Variants in NIM1K observed in about 807,000 individuals in gnomAD.
The protein encoded by NIM1K is NIM1 serine/threonine protein kinase.
A neutral mutation model predicts 37.1 loss-of-function variants in NIM1K; 35 were observed. The observed-to-expected ratio is 0.94, with a 90% CI of 0.72 to 1.25. The LOEUF is 1.25. NIM1K is among the 50% of genes most tolerant of loss of function. The pLI, the probability that NIM1K is intolerant of heterozygous loss-of-function variation, is 0.00. For missense variants in NIM1K, 564 were observed against 548.0 expected, an observed-to-expected ratio of 1.03 and a Z score of -0.29; for synonymous variants, 234 against 206.6, an observed-to-expected ratio of 1.13 and a Z score of -1.14.
At chr5:43,264,471 T>G (rs1753089286) in intron 2 of NIM1K, among the ~76,000 whole-genome samples, 1 of 152,240 alleles carries the variant, frequency 6.6e-6, no homozygotes, top group African/African-American at 2.4e-5. Flanking sequence ...TTCCATTTGC[T>G]TGGTAGATCT....
rs539318766 is a variant in NIM1K, at chr5:43,192,299, C to G, written c.-807C>G. On this transcript the variant is annotated 5_prime_UTR_variant, in exon 1 of 4. Transcript: ENST00000326035. ...CCGGGAGCCTCAAGCGCGACAGCGG[C>G]GCCCTCACCTCGGGACATCCACACA... 1.3e-5 allele frequency: 2 copies of G among 152,544 alleles called. No individual in the cohort carries two copies. The highest frequency in any genetic ancestry group is 4.8e-5 in the African/African-American group (2 of 41,458). The allele number at this position is 152,544 out of a possible 1,614,324, so 9.4% of individuals were successfully genotyped here. A position where few individuals can be genotyped will look rare whatever the true frequency, so the allele number is the denominator to read the frequency against.
chr5:43,247,435 A>G (rs1752792575), intron 2 of NIM1K, among the ~76,000 whole-genome samples: 1 of 152,240 alleles, frequency 6.6e-6, no homozygotes, highest in Non-Finnish European at 1.5e-5. Flanking sequence ...GCAACCAAAG[A>G]TCAACTAAAG....
chr5:43,215,643 T>A (rs1313776262), intron 1 of NIM1K, among the ~76,000 whole-genome samples: 1 of 152,176 alleles, frequency 6.6e-6, no homozygotes, highest in Non-Finnish European at 1.5e-5. Context: ...CATGTTGGCC[T>A]GGCTAGTCCC....
At chr5:43,202,239 A>G (rs1448464996) in intron 1 of NIM1K, among the ~76,000 whole-genome samples, 1 of 152,078 alleles carries the variant, frequency 6.6e-6, no homozygotes, top group East Asian at 1.9e-4. Flanking sequence ...ACTGGAGTGC[A>G]ATGGCATGGG....
intron 1 of NIM1K, among the ~76,000 whole-genome samples, chr5:43,233,390 A>G (rs772048372): frequency 1.3e-4 from 20 of 151,910 alleles, no homozygotes; most frequent in Non-Finnish European, 2.1e-4. Context: ...CTGGGTAAAT[A>G]TTTAAAAATT....
chr5:43,279,054 TAC>T (rs1332945159), intron 3 of NIM1K, among the ~76,000 whole-genome samples: 3 of 152,174 alleles, frequency 2.0e-5, no homozygotes, highest in African/African-American at 7.2e-5. Flanking sequence ...CAATAGAAGG[TAC>T]AGATGTTAGT....
At chr5:43,272,515 G>T (rs1000940432) in intron 2 of NIM1K, among the ~76,000 whole-genome samples, 2 of 151,210 alleles carry the variant, frequency 1.3e-5, no homozygotes, top group African/African-American at 4.9e-5. Context: ...TCTCTAGGGA[G>T]CCCTTGCAGG....
chr5:43,260,990 T>A (rs1212160156), intron 2 of NIM1K, among the ~76,000 whole-genome samples: 1 of 152,228 alleles, frequency 6.6e-6, no homozygotes, highest in Non-Finnish European at 1.5e-5. Context: ...TATGCCACAT[T>A]TTCTTAATCC....
chr5:43,259,106 T>C (rs1232099653), intron 2 of NIM1K, among the ~76,000 whole-genome samples: 1 of 152,220 alleles, frequency 6.6e-6, no homozygotes, highest in Non-Finnish European at 1.5e-5. Flanking sequence ...TTTTCATAGC[T>C]GAGTAGTATT....
intron 2 of NIM1K, among the ~76,000 whole-genome samples, chr5:43,258,821 A>G (rs1467988932): frequency 6.6e-6 from 1 of 152,058 alleles, no homozygotes. Flanking sequence ...GTTTTTGGTT[A>G]CAATGATGAA....
intron 3 of NIM1K, among the ~76,000 whole-genome samples, chr5:43,278,499 G>T (rs1479482565): frequency 6.6e-6 from 1 of 152,162 alleles, no homozygotes; most frequent in African/African-American, 2.4e-5. Context: ...TGACTTGCAG[G>T]CCTGAGTATC....
At chr5:43,228,672 A>C (rs1359024111) in intron 1 of NIM1K, among the ~76,000 whole-genome samples, 2 of 149,248 alleles carry the variant, frequency 1.3e-5, no homozygotes, top group African/African-American at 2.4e-5. Flanking sequence ...AAAAAAAAAA[A>C]CCCTAAAAAT....
chr5:43,254,523 T>A (rs1182021727), intron 2 of NIM1K, among the ~76,000 whole-genome samples: 2 of 152,216 alleles, frequency 1.3e-5, no homozygotes, highest in East Asian at 3.8e-4. Context: ...ATGTGTGTTA[T>A]AAATAATAAA....
chr5:43,222,287 A>G (rs537663398), intron 1 of NIM1K, among the ~76,000 whole-genome samples: 2 of 152,354 alleles, frequency 1.3e-5, no homozygotes, highest in Admixed American at 1.3e-4. Context: ...GACAGGATGA[A>G]TTTATAATAA....
intron 2 of NIM1K, among the ~76,000 whole-genome samples, chr5:43,251,961 A>G (rs1355034746): frequency 6.6e-6 from 1 of 152,178 alleles, no homozygotes; most frequent in Non-Finnish European, 1.5e-5. Context: ...GTGGGCCACT[A>G]CTGTCTCAGC....
intron 1 of NIM1K, chr5:43,233,025 G>A (rs1394782258): frequency 4.8e-6 from 6 of 1,241,046 alleles, no homozygotes; most frequent in Non-Finnish European, 7.1e-6. Context: ...TGAAGAAGCT[G>A]TTGAAGGAGT....
At chr5:43,196,234 T>C (rs1453500689) in intron 1 of NIM1K, among the ~76,000 whole-genome samples, 1 of 152,226 alleles carries the variant, frequency 6.6e-6, no homozygotes, top group Non-Finnish European at 1.5e-5. Context: ...ATGGATACAC[T>C]TGATTACATA....
At chr5:43,212,056 T>C (rs1752211878) in intron 1 of NIM1K, among the ~76,000 whole-genome samples, 1 of 152,202 alleles carries the variant, frequency 6.6e-6, no homozygotes, top group Non-Finnish European at 1.5e-5. Flanking sequence ...ATATATTGAA[T>C]ATAAAAGTAT....
intron 1 of NIM1K, chr5:43,240,448 T>C (rs1480596457): frequency 6.6e-6 from 1 of 151,772 alleles, no homozygotes; most frequent in African/African-American, 2.4e-5. Flanking sequence ...CAGTAAAAAG[T>C]AAACCTTTTT....
Sources: gnomAD v4.1 joint callset for allele counts (sites outside exome capture counted in the v4.1 genomes callset) on GRCh38, gnomAD v4.1.1 for gene constraint, MANE v1.5 for transcripts, NCBI Gene and HGNC (gene_info 2026-07-23, HGNC 2026-07-21) for gene names.